Variants in NOS1 observed in about 807,000 individuals in gnomAD.
NOS1 encodes the protein NOS type I.
Under a neutral mutation model 164.5 loss-of-function variants are expected in NOS1, and 51 were observed. The ratio of observed to expected loss-of-function variants is 0.31; its 90% CI spans 0.25 to 0.39. The LOEUF is 0.39. NOS1 is among the 10% of genes least tolerant of loss of function. The probability of loss-of-function intolerance (pLI) is 1.00; values close to 1 mark genes in which losing one functional copy is unlikely to be tolerated. For synonymous variants in NOS1, 719 were observed against 745.8 expected (o/e 0.96, Z 0.59); for missense variants, 1,362 against 1,885.6 (o/e 0.72, Z 5.14).
intron 17 of NOS1, among the ~76,000 whole-genome samples, chr12:117,251,771 G>A (rs1023826085): frequency 1.3e-5 from 2 of 149,642 alleles, no homozygotes; most frequent in Non-Finnish European, 3.0e-5. Context: ...TTGCTCTATC[G>A]TCCAGGCTGG....
At chr12:117,230,793 G>C (rs111916523) in intron 22 of NOS1, among the ~76,000 whole-genome samples, 173 of 152,318 alleles carry the variant, frequency 1.1e-3, no homozygotes, top group African/African-American at 3.8e-3. Flanking sequence ...ATTGGCAAAA[G>C]CTCATCATTT....
chr12:117,329,635 C>T (rs1339320966), intron 2 of NOS1, among the ~76,000 whole-genome samples: 2 of 152,156 alleles, frequency 1.3e-5, no homozygotes, highest in African/African-American at 2.4e-5. Flanking sequence ...GAGCTAGCAT[C>T]ACCCACTCTG....
At chr12:117,340,491 A>C (rs1876046561) in intron 1 of NOS1, among the ~76,000 whole-genome samples, 2 of 152,082 alleles carry the variant, frequency 1.3e-5, no homozygotes, top group South Asian at 4.2e-4. Flanking sequence ...AGGGTGTCTG[A>C]GGATACAAAG....
intron 2 of NOS1, among the ~76,000 whole-genome samples, chr12:117,316,567 G>A (rs1566073247): frequency 1.3e-5 from 2 of 152,058 alleles, no homozygotes; most frequent in African/African-American, 2.4e-5. Context: ...GCACATAATC[G>A]GCACTAACTA....
At chr12:117,295,893 T>C (rs1394899055) in intron 3 of NOS1, among the ~76,000 whole-genome samples, 1 of 151,736 alleles carries the variant, frequency 6.6e-6, no homozygotes, top group Non-Finnish European at 1.5e-5. Flanking sequence ...CCTCCCAAAG[T>C]GCTAGGATTA....
At position 117,218,156 on chromosome 12, in the gene NOS1, G is replaced by A. The variant is rs1418951582; in HGVS notation, c.4179C>T (p.Asn1393=). 1.9e-6 allele frequency: 3 copies of A among 1,613,224 alleles called. No homozygotes were observed. Among genetic ancestry groups the A allele is most frequent in the East Asian group, 2.2e-5 (1 of 44,880 alleles). Residue 1393 remains asparagine, a synonymous_variant, in exon 28 of 29, where the codon AAC becomes AAT. Transcript: ENST00000317775. ...GVFISRMRDD[N]RYHEDIFGVT... is the part of the protein sequence containing the mutation. ...CTCCAAAAATATCCTCATGGTATCG[G>A]TTGTCATCCTAGAAGACAGAAACAG...
At chr12:117,270,773 C>T (rs1872730398) in intron 10 of NOS1, among the ~76,000 whole-genome samples, 1 of 152,092 alleles carries the variant, frequency 6.6e-6, no homozygotes, top group Non-Finnish European at 1.5e-5. Context: ...TGGTGGCTCA[C>T]CCCTGTAATC....
chr12:117,334,615 G>A (rs1342604411), intron 1 of NOS1, among the ~76,000 whole-genome samples: 4 of 151,922 alleles, frequency 2.6e-5, no homozygotes, highest in Admixed American at 6.6e-5. Context: ...GGCTGGTCTC[G>A]AACTCCTGAC....
intron 22 of NOS1, among the ~76,000 whole-genome samples, chr12:117,231,454 A>G (rs1224347727): frequency 6.6e-6 from 1 of 152,292 alleles, no homozygotes; most frequent in East Asian, 1.9e-4. Context: ...GAAATGATGA[A>G]TGCTTGAGGG....
chr12:117,286,322 A>G (rs751092862), intron 5 of NOS1, 56 bp from the exon 6 acceptor site: 7 of 1,583,290 alleles, frequency 4.4e-6, no homozygotes, highest in Non-Finnish European at 6.1e-6. Context: ...ATTAGAAGTT[A>G]GTGGAAGGGG....
Position 117,208,158 on chromosome 12 carries a change from A to T in NOS1, c.*7151T>A. 1 of 800,024 alleles carries T rather than the reference A, an allele frequency of 1.2e-6. No homozygotes were observed. The highest frequency in any genetic ancestry group is 1.7e-6 in the Non-Finnish European group (1 of 585,870). The allele number at this position is 800,024 out of a possible 1,614,324, so 49.6% of individuals were successfully genotyped here. ...CCAGCCAAGTTGAATCCACTTTTTA[A>T]TATTGTAACCATAATGCAAACAAGC... On this transcript the variant is annotated 3_prime_UTR_variant, in exon 29 of 29. Transcript: ENST00000317775.
intron 22 of NOS1, among the ~76,000 whole-genome samples, 198 bp from the exon 23 acceptor site, chr12:117,227,839 A>C (rs1868839272): frequency 6.6e-6 from 1 of 152,060 alleles, no homozygotes; most frequent in African/African-American, 2.4e-5. Context: ...CCAGCCTGGG[A>C]AACATAGTAA....
chr12:117,336,871 A>C (rs1448034944), intron 1 of NOS1, among the ~76,000 whole-genome samples: 3 of 152,012 alleles, frequency 2.0e-5, no homozygotes, highest in Non-Finnish European at 4.4e-5. Flanking sequence ...ATCTTGGCTC[A>C]CTGCAGCCTC....
chr12:117,339,025 T>A (rs1030541148), intron 1 of NOS1, among the ~76,000 whole-genome samples: 3 of 152,172 alleles, frequency 2.0e-5, no homozygotes, highest in Admixed American at 6.5e-5. Flanking sequence ...TGCGCTCTTT[T>A]AAAAAATGCA....
chr12:117,229,303 G>C (rs959886126), intron 22 of NOS1, among the ~76,000 whole-genome samples: 4 of 152,090 alleles, frequency 2.6e-5, no homozygotes, highest in Admixed American at 2.6e-4. Context: ...GAGTCTCCAG[G>C]GCTACTCAAG....
chr12:117,264,261 C>G (rs1872187064), intron 12 of NOS1, among the ~76,000 whole-genome samples: 1 of 152,116 alleles, frequency 6.6e-6, no homozygotes, highest in South Asian at 2.1e-4. Flanking sequence ...ACTACTCACT[C>G]TCATTTCATC....
At chr12:117,261,202 A>AAG (rs1329766800) in intron 13 of NOS1, among the ~76,000 whole-genome samples, 2 of 134,336 alleles carry the variant, frequency 1.5e-5, no homozygotes, top group East Asian at 4.8e-4. Flanking sequence ...AAAAAAAAAA[A>AAG]AAATCCCACC....
intron 3 of NOS1, among the ~76,000 whole-genome samples, chr12:117,310,330 A>G (rs1482609327): frequency 1.3e-5 from 2 of 152,234 alleles, no homozygotes; most frequent in Non-Finnish European, 2.9e-5. Context: ...GACTGATACA[A>G]TAAATTACAG....
chr12:117,318,010 C>T (rs1291800286), intron 2 of NOS1, among the ~76,000 whole-genome samples: 1 of 152,030 alleles, frequency 6.6e-6, no homozygotes, highest in African/African-American at 2.4e-5. Context: ...TGTCTATACA[C>T]AAAATAAAAA....
Sources: gnomAD v4.1 joint callset for allele counts (sites outside exome capture counted in the v4.1 genomes callset) on GRCh38, gnomAD v4.1.1 for gene constraint, MANE v1.5 for transcripts, NCBI Gene and HGNC (gene_info 2026-07-23, HGNC 2026-07-21) for gene names.